Variants in ANKH observed in about 807,000 individuals in gnomAD.
ANKH encodes ANKH inorganic pyrophosphate transport regulator, also known as mineralization regulator ANKH.
A neutral mutation model predicts 49.0 loss-of-function variants in ANKH; 15 were observed. The observed-to-expected ratio is 0.31, with a 90% CI of 0.20 to 0.47. The LOEUF (loss-of-function observed/expected upper bound fraction) is 0.47, where lower values mean the gene tolerates loss of function less well. ANKH is among the 20% of genes least tolerant of loss of function. ANKH has a pLI of 1.00. For synonymous variants in ANKH, 273 were observed against 260.0 expected, an observed-to-expected ratio of 1.05 and a Z score of -0.48; for missense variants, 429 against 652.0, an observed-to-expected ratio of 0.66 and a Z score of 3.72.
At chr5:14,826,941 G>A (rs1048772202) in intron 1 of ANKH, among the ~76,000 whole-genome samples, 1 of 152,136 alleles carries the variant, frequency 6.6e-6, no homozygotes, top group African/African-American at 2.4e-5. Flanking sequence ...TGGAATGTGG[G>A]ACTTTTGAGA....
chr5:14,848,558 G>A (rs1206684425), intron 1 of ANKH, among the ~76,000 whole-genome samples: 1 of 152,198 alleles, frequency 6.6e-6, no homozygotes, highest in African/African-American at 2.4e-5. Flanking sequence ...CAGACCCGCC[G>A]CTGACTTCCA....
chr5:14,773,653 A>G (rs1008356848), intron 1 of ANKH, among the ~76,000 whole-genome samples: 2 of 152,204 alleles, frequency 1.3e-5, no homozygotes, highest in Non-Finnish European at 2.9e-5. Flanking sequence ...TGGCTAAAAT[A>G]CTTATTCTCC....
chr5:14,759,544 G>A (rs1363411914), intron 2 of ANKH, among the ~76,000 whole-genome samples: 1 of 151,812 alleles, frequency 6.6e-6, no homozygotes, highest in East Asian at 1.9e-4. Flanking sequence ...TAGCCTAAGA[G>A]TTTGAGACTA....
intron 1 of ANKH, among the ~76,000 whole-genome samples, chr5:14,779,445 T>C (rs910301175): frequency 7.2e-5 from 11 of 152,194 alleles, no homozygotes; most frequent in African/African-American, 2.7e-4. Flanking sequence ...GAGACTCTGT[T>C]ATCGCCCTCG....
At position 14,791,473 on chromosome 5, in the gene ANKH, C is replaced by T. The variant is rs1197938246; in HGVS notation, c.97-22282G>A. On this transcript the variant is annotated intron_variant, in intron 1 of 11. Transcript: ENST00000284268. ...TGTCTGCTGCCTACCCAAGCTCCTA[C>T]GGCTGTAATGAGCCTTTTCTTAGCT... Among the ~76,000 whole-genome samples, 4 of 152,204 alleles carry T rather than the reference C, an allele frequency of 2.6e-5. No homozygotes were observed. In the East Asian group the frequency reaches 5.8e-4, roughly 22 times the overall value.
intron 1 of ANKH, among the ~76,000 whole-genome samples, chr5:14,833,521 C>A (rs148447143): frequency 2.7e-4 from 41 of 152,336 alleles, no homozygotes; most frequent in African/African-American, 9.1e-4. Context: ...GCTCCTCCCC[C>A]AGTCTGGGTA....
At position 14,805,397 on chromosome 5, in the gene ANKH, CGTGTGTGT is replaced by C. The variant is rs77663812; in HGVS notation, c.97-36214_97-36207del. On this transcript the variant is annotated intron_variant, in intron 1 of 11. Coordinates refer to ENST00000284268, the MANE Select transcript of ANKH (RefSeq NM_054027.6). ...ATATATGTGTGTATGTGTATATATACGTGTGTGTGTGTGTGTGTGTGTATCCTATAAAC... is the reference window on the plus strand; with the variant it reads ...ATATATGTGTGTATGTGTATATATACGTGTGTGTGTGTGTATCCTATAAAC... 3.2e-4 allele frequency among the ~76,000 whole-genome samples: 43 copies of C among 133,224 alleles called. 1 individual carries two copies. Among genetic ancestry groups the C allele is most frequent in the East Asian group, 2.2e-3 (9 of 4,166 alleles). 87.4% of individuals were successfully genotyped at this position (133,224 alleles called of 152,430 possible). A position where few individuals can be genotyped will look rare whatever the true frequency, so the allele number is the denominator to read the frequency against.
intron 5 of ANKH, among the ~76,000 whole-genome samples, chr5:14,749,865 A>C (rs1166045225): frequency 1.3e-5 from 2 of 152,280 alleles, no homozygotes; most frequent in African/African-American, 4.8e-5. Context: ...TGTAAAGAAC[A>C]AGGGATTCCT....
At chr5:14,771,280 G>C (rs1041733454) in intron 1 of ANKH, among the ~76,000 whole-genome samples, 5 of 152,228 alleles carry the variant, frequency 3.3e-5, no homozygotes, top group Admixed American at 2.0e-4. Flanking sequence ...ACTATAGACT[G>C]TAAGTGTATG....
rs35971379 is a variant in ANKH at position 14,745,705 on chromosome 5, G to A, written c.915+165C>T. Among the ~76,000 whole-genome samples the A allele has an allele frequency of 0.13, 20,251 of 151,994 alleles. 1,946 individuals carry two copies. Among genetic ancestry groups the A allele is most frequent in the African/African-American group, 0.27 (11,255 of 41,450 alleles). On this transcript the variant is annotated intron_variant, in intron 7 of 11. Transcript: ENST00000284268. The surrounding 1 kb of genome is among the most constrained non-coding windows in gnomAD (Gnocchi z 4.7). ...CAAAGGTAAGCTTCAACTTGCCCCTGTTATTTTCTGAGGAAAATATTCCTT... is the reference window on the plus strand; with the variant it reads ...CAAAGGTAAGCTTCAACTTGCCCCTATTATTTTCTGAGGAAAATATTCCTT...
intron 8 of ANKH, among the ~76,000 whole-genome samples, chr5:14,732,296 G>A (rs1268699293): frequency 6.6e-6 from 1 of 152,090 alleles, no homozygotes; most frequent in Non-Finnish European, 1.5e-5. Flanking sequence ...AGCAGGGGGT[G>A]ACGGGTCAAC....
At position 14,738,902 on chromosome 5, in the gene ANKH, T is replaced by C. The variant is rs116455602; in HGVS notation, c.1011+2925A>G. The stretch of plus-strand genomic sequence containing the variant: ...CGGTACCTTACTGACCGGTGTCTCA[T>C]AATTAAGGATTAGTTGATTCCTGTG... On this transcript the variant is annotated intron_variant, in intron 8 of 11. Coordinates refer to ENST00000284268, the MANE Select transcript of ANKH (RefSeq NM_054027.6). Among the ~76,000 whole-genome samples, 1,038 of 152,318 alleles carry C rather than the reference T, an allele frequency of 6.8e-3. 10 individuals are homozygous for C. Among genetic ancestry groups the C allele is most frequent in the African/African-American group, 0.024 (980 of 41,560 alleles).
At chr5:14,739,724 C>T (rs991822899) in intron 8 of ANKH, among the ~76,000 whole-genome samples, 7 of 152,196 alleles carry the variant, frequency 4.6e-5, no homozygotes, top group Admixed American at 3.9e-4. Flanking sequence ...GGGCTGTAGC[C>T]GGTTCTATTA....
chr5:14,788,286 T>C (rs1353072354), intron 1 of ANKH: 2 of 152,266 alleles, frequency 1.3e-5, no homozygotes, highest in Non-Finnish European at 2.9e-5. Flanking sequence ...GGAAACCTCC[T>C]TAACCTGCCT....
chr5:14,707,353 A>C lies in ANKH; in HGVS notation c.*3844T>G, dbSNP rs1004081911. 4.6e-5 allele frequency: 7 copies of C among 152,000 alleles called. No individual in the cohort carries two copies. The highest frequency in any genetic ancestry group is 1.7e-4 in the African/African-American group (7 of 41,402). The allele number at this position is 152,000 out of a possible 1,614,324, so 9.4% of individuals were successfully genotyped here. On this transcript the variant is annotated 3_prime_UTR_variant, in exon 12 of 12. Coordinates refer to ENST00000284268, the MANE Select transcript of ANKH (RefSeq NM_054027.6). ...CAAATCGATGTGTTCCTAGAAACCA[A>C]GGATATAGAAAAGTTACTCTCCCCC...
chr5:14,742,653 A>AC (rs530216095), intron 7 of ANKH, among the ~76,000 whole-genome samples: 25 of 152,324 alleles, frequency 1.6e-4, no homozygotes, highest in Middle Eastern at 3.4e-3. Context: ...ATGTCCTGTC[A>AC]TGCGTCCAAC....
chr5:14,796,679 G>C (rs1045209977), intron 1 of ANKH, among the ~76,000 whole-genome samples: 1 of 152,146 alleles, frequency 6.6e-6, no homozygotes, highest in African/African-American at 2.4e-5. Context: ...TTTCGAGTAG[G>C]AATCTATATG....
Position 14,716,837 on chromosome 5 carries a change from T to C in ANKH, c.1012-2A>G. ...TGTCCAAAACATCACGAAACAGAGCTGGGGAGAAAGACATCAAACAGGGTT... is the reference window on the plus strand; with the variant it reads ...TGTCCAAAACATCACGAAACAGAGCCGGGGAGAAAGACATCAAACAGGGTT... On this transcript the variant is annotated splice_acceptor_variant, in intron 8 of 11. Coordinates refer to ENST00000284268, the MANE Select transcript of ANKH (RefSeq NM_054027.6). LOFTEE classifies it high-confidence loss of function. 6.2e-7 allele frequency: 1 copy of C among 1,613,858 alleles called. No individual in the cohort carries two copies.
chr5:14,759,613 C>G (rs1202024946), intron 2 of ANKH, among the ~76,000 whole-genome samples: 1 of 151,856 alleles, frequency 6.6e-6, no homozygotes, highest in East Asian at 1.9e-4. Context: ...AAAAATTAGC[C>G]CGGCATGGTG....
Sources: gnomAD v4.1 joint callset for allele counts (sites outside exome capture counted in the v4.1 genomes callset) on GRCh38, gnomAD v4.1.1 for gene constraint, Gnocchi (gnomAD v3.1) non-coding constraint, MANE v1.5 for transcripts, NCBI Gene and HGNC (gene_info 2026-07-23, HGNC 2026-07-21) for gene names.